SORCS1: variants seen among roughly 807,000 people sequenced by gnomAD.
The protein encoded by SORCS1 is VPS10 domain-containing receptor SorCS1.
Under a neutral mutation model 146.1 loss-of-function variants are expected in SORCS1, and 60 were observed. The ratio of observed to expected loss-of-function variants is 0.41; its 90% CI spans 0.33 to 0.51. The LOEUF is 0.51. Ranked by LOEUF, SORCS1 falls within the 20% of genes least tolerant of loss-of-function variation. The pLI is 0.21. For synonymous variants in SORCS1, 637 were observed against 584.0 expected (o/e 1.09, Z -1.31); for missense variants, 1,352 against 1,487.6 (o/e 0.91, Z 1.50).
intron 1 of SORCS1, among the ~76,000 whole-genome samples, chr10:107,146,755 C>A (rs1280029912): frequency 8.5e-5 from 13 of 152,142 alleles, no homozygotes; most frequent in African/African-American, 3.1e-4. Context: ...TCACAACTCC[C>A]AATTCTACCA....
chr10:106,951,253 T>C (rs1233317888), intron 2 of SORCS1, among the ~76,000 whole-genome samples: 1 of 152,150 alleles, frequency 6.6e-6, no homozygotes, highest in Non-Finnish European at 1.5e-5. Context: ...GGTTAACGCC[T>C]GTAATCCCAG....
chr10:106,816,994 T>C (rs1947777195), intron 3 of SORCS1, among the ~76,000 whole-genome samples: 2 of 152,170 alleles, frequency 1.3e-5, no homozygotes, highest in South Asian at 4.1e-4. Context: ...CACAAAGGGC[T>C]TGGGCCCAAG....
intron 3 of SORCS1, among the ~76,000 whole-genome samples, chr10:106,788,097 A>G (rs993631851): frequency 2.0e-5 from 3 of 148,750 alleles, no homozygotes; most frequent in Admixed American, 2.0e-4. Context: ...TGACATGCAG[A>G]TATGACTTGG....
At chr10:107,023,502 C>CA (rs1958247173) in intron 1 of SORCS1, among the ~76,000 whole-genome samples, 1 of 151,938 alleles carries the variant, frequency 6.6e-6, no homozygotes, top group Admixed American at 6.6e-5. Context: ...CACAGGTATC[C>CA]AAAAAACACA....
At chr10:106,971,109 T>C (rs1821988332) in intron 1 of SORCS1, among the ~76,000 whole-genome samples, 2 of 152,084 alleles carry the variant, frequency 1.3e-5, no homozygotes, top group Admixed American at 1.3e-4. Context: ...CTTTACACTG[T>C]TGCCACCACG....
chr10:106,736,314 A>G (rs886510340), intron 5 of SORCS1, among the ~76,000 whole-genome samples: 2 of 152,202 alleles, frequency 1.3e-5, no homozygotes, highest in Non-Finnish European at 2.9e-5. Flanking sequence ...GATAGCACCT[A>G]TTTATTCAGA....
Position 107,164,473 on chromosome 10 carries a change from G to C in SORCS1, c.54C>G (p.Leu18=), listed in dbSNP as rs1417292333. ...GGSQARLSAL[L]AGAGLLILCA... ...AGAGGATCAAGAGCCCCGCGCCGGC[G>C]AGGAGCGCGCTCAGCCGGGCTTGGG... Residue 18 remains leucine, a synonymous_variant, in exon 1 of 26, where the codon CTC becomes CTG. Transcript: ENST00000263054. This position sits in a 1 kb window ranked among gnomAD's most constrained non-coding sequence, Gnocchi z 6.8. The C allele has an allele frequency of 4.4e-6, 6 of 1,364,060 alleles. No homozygotes were observed. The highest frequency in any genetic ancestry group is 5.6e-6 in the Non-Finnish European group (6 of 1,066,310). 84.5% of individuals were successfully genotyped at this position (1,364,060 alleles called of 1,614,324 possible). A position where few individuals can be genotyped will look rare whatever the true frequency, so the allele number is the denominator to read the frequency against.
At chr10:107,151,118 A>G (rs1212234135) in intron 1 of SORCS1, among the ~76,000 whole-genome samples, 1 of 152,104 alleles carries the variant, frequency 6.6e-6, no homozygotes, top group East Asian at 1.9e-4. Flanking sequence ...AAAGTCTGGA[A>G]CTTCTAGAGA....
At chr10:107,101,141 C>T (rs983838239) in intron 1 of SORCS1, among the ~76,000 whole-genome samples, 1 of 152,110 alleles carries the variant, frequency 6.6e-6, no homozygotes, top group Non-Finnish European at 1.5e-5. Context: ...CTCACTGCAA[C>T]CTCCATCTCT....
intron 1 of SORCS1, among the ~76,000 whole-genome samples, chr10:106,988,728 A>G (rs1418788797): frequency 2.0e-5 from 3 of 152,184 alleles, no homozygotes; most frequent in African/African-American, 7.2e-5. Flanking sequence ...AATGCTCTAC[A>G]ATAAATAAAA....
chr10:106,600,246 G>T, intron 23 of SORCS1: 1 of 820,182 alleles, frequency 1.2e-6, no homozygotes, highest in Non-Finnish European at 1.5e-6. Context: ...GTTTTGTTTT[G>T]GTTTACAACA....
chr10:107,072,917 G>C (rs1445488314), intron 1 of SORCS1, among the ~76,000 whole-genome samples: 2 of 152,074 alleles, frequency 1.3e-5, no homozygotes, highest in African/African-American at 4.8e-5. Flanking sequence ...TTTCCTAGTA[G>C]GGCACTCAGC....
intron 2 of SORCS1, among the ~76,000 whole-genome samples, chr10:106,926,881 AGAGAG>A (rs759141038): frequency 0.04 from 5,262 of 130,450 alleles, 282 homozygotes; most frequent in East Asian, 0.16. Context: ...AGAGAGAGAG[AGAGAG>A]AGAGAGAGAG....
intron 1 of SORCS1, among the ~76,000 whole-genome samples, chr10:107,018,938 C>T (rs932940071): frequency 6.6e-6 from 1 of 152,146 alleles, no homozygotes; most frequent in African/African-American, 2.4e-5. Context: ...AACACTAAAC[C>T]AAATAACTTG....
chr10:106,997,153 T>C (rs932039389), intron 1 of SORCS1, among the ~76,000 whole-genome samples: 2 of 152,150 alleles, frequency 1.3e-5, no homozygotes, highest in Non-Finnish European at 2.9e-5. Context: ...TTCTTTCTCC[T>C]GGTAATTTTA....
intron 2 of SORCS1, among the ~76,000 whole-genome samples, chr10:106,849,562 G>A (rs1161162816): frequency 4.6e-5 from 7 of 150,918 alleles, no homozygotes; most frequent in African/African-American, 9.8e-5. Flanking sequence ...TAATTTGATC[G>A]TCTGAAGCCT....
At chr10:106,801,652 C>G (rs1164104154) in intron 3 of SORCS1, among the ~76,000 whole-genome samples, 2 of 151,752 alleles carry the variant, frequency 1.3e-5, no homozygotes, top group African/African-American at 4.8e-5. Flanking sequence ...GCCTCAGCCT[C>G]CCGAGTAGCT....
chr10:106,684,162 A>T (rs1270687827), intron 10 of SORCS1, among the ~76,000 whole-genome samples: 1 of 152,042 alleles, frequency 6.6e-6, no homozygotes, highest in Non-Finnish European at 1.5e-5. Flanking sequence ...ACATGGTGAA[A>T]CCCTGTCTCT....
chr10:106,838,881 G>A (rs769856905), intron 2 of SORCS1, among the ~76,000 whole-genome samples: 9 of 152,218 alleles, frequency 5.9e-5, no homozygotes, highest in African/African-American at 1.7e-4. Flanking sequence ...ATGGAGATCC[G>A]TGATCAGTGA....
Sources: gnomAD v4.1 joint callset for allele counts (sites outside exome capture counted in the v4.1 genomes callset) on GRCh38, gnomAD v4.1.1 for gene constraint, Gnocchi (gnomAD v3.1) non-coding constraint, MANE v1.5 for transcripts, NCBI Gene and HGNC (gene_info 2026-07-23, HGNC 2026-07-21) for gene names.